The following CTNNA3 variants were observed in gnomAD, a reference collection of about 807,000 sequenced individuals.
CTNNA3 encodes catenin alpha 3.
A neutral mutation model predicts 95.7 loss-of-function variants in CTNNA3; 76 were observed. That is an observed-to-expected ratio of 0.79 (90% CI 0.66 to 0.96). The LOEUF (loss-of-function observed/expected upper bound fraction) is 0.96, where lower values mean the gene tolerates loss of function less well. Among genes scored for constraint, CTNNA3 ranks in the 40% least tolerant of loss-of-function variants. The pLI, the probability that CTNNA3 is intolerant of heterozygous loss-of-function variation, is 0.00. For missense variants in CTNNA3, 1,191 were observed against 1,089.8 expected (o/e 1.09, Z -1.31); for synonymous variants, 431 against 374.4 (o/e 1.15, Z -1.74).
chr10:67,089,829 T>C (rs1341492625), intron 7 of CTNNA3, among the ~76,000 whole-genome samples: 4 of 151,714 alleles, frequency 2.6e-5, no homozygotes, highest in Non-Finnish European at 5.9e-5. Flanking sequence ...GCACCATTTG[T>C]CCATCCCTTT....
chr10:67,451,811 C>T (rs1846994583), intron 5 of CTNNA3, among the ~76,000 whole-genome samples: 1 of 152,170 alleles, frequency 6.6e-6, no homozygotes, highest in Non-Finnish European at 1.5e-5. Context: ...CATAGGAAAT[C>T]TCTATTTTCC....
At chr10:66,386,304 GACAA>G (rs1211036422) in intron 11 of CTNNA3, among the ~76,000 whole-genome samples, 5 of 152,016 alleles carry the variant, frequency 3.3e-5, no homozygotes, top group African/African-American at 7.3e-5. Flanking sequence ...ACCATTAACA[GACAA>G]ACAAAGAGCC....
chr10:65,980,341 C>G (rs1044472731), intron 16 of CTNNA3, among the ~76,000 whole-genome samples: 5 of 151,306 alleles, frequency 3.3e-5, no homozygotes, highest in African/African-American at 1.2e-4. Context: ...TTAAAAATTG[C>G]CAACAACAAC....
At chr10:66,339,333 A>G (rs1216215528) in intron 12 of CTNNA3, among the ~76,000 whole-genome samples, 1 of 151,884 alleles carries the variant, frequency 6.6e-6, no homozygotes, top group Non-Finnish European at 1.5e-5. Context: ...GGAGAGAAAA[A>G]TATGGTACTT....
chr10:66,833,771 G>C (rs917064934), intron 7 of CTNNA3, among the ~76,000 whole-genome samples: 3 of 152,128 alleles, frequency 2.0e-5, no homozygotes, highest in Non-Finnish European at 4.4e-5. Context: ...AACACCAAGA[G>C]AGCCCAACAG....
At chr10:67,303,081 C>T (rs1419298814) in intron 5 of CTNNA3, among the ~76,000 whole-genome samples, 3 of 152,136 alleles carry the variant, frequency 2.0e-5, no homozygotes, top group South Asian at 2.1e-4. Flanking sequence ...TAAACTCATC[C>T]AGGTGATTCT....
intron 5 of CTNNA3, among the ~76,000 whole-genome samples, chr10:67,399,511 A>C (rs1844840981): frequency 6.6e-6 from 1 of 152,098 alleles, no homozygotes; most frequent in Non-Finnish European, 1.5e-5. Flanking sequence ...CTCTTTCAAC[A>C]CCATTTTCTA....
At chr10:67,587,268 C>T (rs2133337882) in intron 3 of CTNNA3, among the ~76,000 whole-genome samples, 1 of 149,854 alleles carries the variant, frequency 6.7e-6, no homozygotes, top group East Asian at 2.0e-4. Flanking sequence ...CTATGTTGCC[C>T]AGGCTGGTCT....
chr10:66,557,085 C>T (rs1842414199), intron 10 of CTNNA3, among the ~76,000 whole-genome samples: 1 of 151,832 alleles, frequency 6.6e-6, no homozygotes, highest in Non-Finnish European at 1.5e-5. Context: ...CTACTAGGTG[C>T]TTATTAAGCA....
At chr10:66,818,820 A>G (rs201210615) in intron 7 of CTNNA3, among the ~76,000 whole-genome samples, 1 of 151,998 alleles carries the variant, frequency 6.6e-6, no homozygotes, top group East Asian at 1.9e-4. Context: ...GAAAAAAGTT[A>G]GGCTCACCAT....
chr10:66,007,115 A>C (rs1031234253), intron 15 of CTNNA3, among the ~76,000 whole-genome samples: 4 of 152,160 alleles, frequency 2.6e-5, no homozygotes, highest in Admixed American at 6.5e-5. Context: ...ATTCAGACTG[A>C]GTATGACTTG....
chr10:67,761,869 C>T (rs1841463166), intron 1 of CTNNA3, among the ~76,000 whole-genome samples: 1 of 137,182 alleles, frequency 7.3e-6, no homozygotes, highest in South Asian at 2.3e-4. Flanking sequence ...CAGAGCAAGA[C>T]TCCGTCAAAA....
chr10:67,630,489 T>C (rs551837985), intron 2 of CTNNA3, among the ~76,000 whole-genome samples: 1 of 152,324 alleles, frequency 6.6e-6, no homozygotes, highest in East Asian at 1.9e-4. Flanking sequence ...AACATGTAGC[T>C]TGAGCAGGAA....
intron 1 of CTNNA3, among the ~76,000 whole-genome samples, chr10:67,706,301 C>A (rs1448085453): frequency 1.3e-5 from 2 of 151,840 alleles, no homozygotes; most frequent in African/African-American, 2.4e-5. Context: ...TGGATTAACT[C>A]ACCCTGCAGG....
intron 17 of CTNNA3, among the ~76,000 whole-genome samples, chr10:65,943,949 A>T (rs1304242703): frequency 2.6e-5 from 4 of 152,208 alleles, no homozygotes; most frequent in Non-Finnish European, 5.9e-5. Context: ...ATTATATTTA[A>T]TCTTCAAGTT....
At chr10:66,594,539 T>G (rs1208186612) in intron 10 of CTNNA3, among the ~76,000 whole-genome samples, 3 of 152,186 alleles carry the variant, frequency 2.0e-5, no homozygotes, top group Non-Finnish European at 4.4e-5. Context: ...TCAAACAGGT[T>G]GCAGTCATCC....
chr10:66,230,406 A>G (rs2089528164), intron 13 of CTNNA3, among the ~76,000 whole-genome samples: 1 of 152,116 alleles, frequency 6.6e-6, no homozygotes, highest in Admixed American at 6.5e-5. Flanking sequence ...TGCTTTGGTT[A>G]AGGTTCTAGG....
At chr10:66,303,355 G>A (rs1364384543) in intron 12 of CTNNA3, among the ~76,000 whole-genome samples, 3 of 152,002 alleles carry the variant, frequency 2.0e-5, no homozygotes, top group Non-Finnish European at 2.9e-5. Flanking sequence ...AGTTATCATG[G>A]CATTTTAAAT....
chr10:67,231,142 G>C (rs1865182738), intron 5 of CTNNA3, among the ~76,000 whole-genome samples: 1 of 152,238 alleles, frequency 6.6e-6, no homozygotes, highest in African/African-American at 2.4e-5. Context: ...AAACAAAGCA[G>C]CTGGGAAGCT....
Sources: gnomAD v4.1 joint callset for allele counts (sites outside exome capture counted in the v4.1 genomes callset) on GRCh38, gnomAD v4.1.1 for gene constraint, MANE v1.5 for transcripts, NCBI Gene and HGNC (gene_info 2026-07-23, HGNC 2026-07-21) for gene names.